Variants in ANGPT1 observed in about 807,000 individuals in gnomAD.
ANGPT1 encodes angiopoietin 1.
ANGPT1 carries 17 observed loss-of-function variants against 62.2 expected under a neutral mutation model. The ratio of observed to expected loss-of-function variants is 0.27; its 90% CI spans 0.19 to 0.41. The LOEUF is 0.41. ANGPT1 is among the 10% of genes least tolerant of loss of function. The pLI, the probability that ANGPT1 is intolerant of heterozygous loss-of-function variation, is 1.00. For missense variants in ANGPT1, 478 were observed against 594.9 expected (o/e 0.80, Z 2.04); for synonymous variants, 199 against 198.9 (o/e 1.00, Z 0.00).
At chr8:107,299,020 G>A (rs1314728308) in intron 5 of ANGPT1, among the ~76,000 whole-genome samples, 1 of 151,394 alleles carries the variant, frequency 6.6e-6, no homozygotes, top group Admixed American at 6.6e-5. Flanking sequence ...ATTTCAAGAT[G>A]GAAAAAACTG....
intron 1 of ANGPT1, among the ~76,000 whole-genome samples, chr8:107,407,776 G>A (rs1158517341): frequency 6.6e-6 from 1 of 152,076 alleles, no homozygotes; most frequent in Non-Finnish European, 1.5e-5. Context: ...GCACTTCTAC[G>A]AGAGGCGGTG....
chr8:107,391,423 T>C (rs1816833133), intron 1 of ANGPT1, among the ~76,000 whole-genome samples: 2 of 152,178 alleles, frequency 1.3e-5, no homozygotes, highest in Non-Finnish European at 1.5e-5. Context: ...TCCCAGCACT[T>C]CTGGGGGCTG....
At chr8:107,473,775 T>A (rs1210237410) in intron 1 of ANGPT1, among the ~76,000 whole-genome samples, 1 of 152,076 alleles carries the variant, frequency 6.6e-6, no homozygotes, top group Non-Finnish European at 1.5e-5. Context: ...CAAGTCACAA[T>A]GTAAGGCTCA....
intron 1 of ANGPT1, among the ~76,000 whole-genome samples, chr8:107,425,818 G>A (rs916766560): frequency 6.6e-6 from 1 of 152,130 alleles, no homozygotes; most frequent in African/African-American, 2.4e-5. Flanking sequence ...CCCAAGAGCT[G>A]GTTTCCATCA....
intron 4 of ANGPT1, among the ~76,000 whole-genome samples, chr8:107,319,769 A>G (rs915346715): frequency 1.3e-5 from 2 of 152,100 alleles, no homozygotes; most frequent in African/African-American, 4.8e-5. Context: ...AATCTTCATA[A>G]AAACCTTATG....
chr8:107,448,371 C>T (rs551207459), intron 1 of ANGPT1, among the ~76,000 whole-genome samples: 5 of 152,164 alleles, frequency 3.3e-5, no homozygotes, highest in South Asian at 2.1e-4. Context: ...CAAATTAATT[C>T]GATTAATTCA....
intron 5 of ANGPT1, among the ~76,000 whole-genome samples, chr8:107,302,299 G>T (rs1032995029): frequency 2.0e-5 from 3 of 151,834 alleles, no homozygotes; most frequent in Non-Finnish European, 4.4e-5. Flanking sequence ...ATGAGGGGAG[G>T]ACAGTTGTTT....
At chr8:107,333,709 C>T in intron 3 of ANGPT1, among the ~76,000 whole-genome samples, 1 of 151,932 alleles carries the variant, frequency 6.6e-6, no homozygotes. Flanking sequence ...CAGAGTGGAG[C>T]TCTTTTGAGA....
chr8:107,415,685 G>A (rs1337360883), intron 1 of ANGPT1, among the ~76,000 whole-genome samples: 1 of 152,174 alleles, frequency 6.6e-6, no homozygotes, highest in East Asian at 1.9e-4. Flanking sequence ...AGGTGATCCA[G>A]TAAAAGGTCA....
chr8:107,379,759 A>T, intron 1 of ANGPT1, among the ~76,000 whole-genome samples: 1 of 152,200 alleles, frequency 6.6e-6, no homozygotes, highest in Admixed American at 6.5e-5. Context: ...ATTTCAGAGC[A>T]GGTGCACTGA....
At chr8:107,325,716 G>C (rs1297309470) in intron 3 of ANGPT1, among the ~76,000 whole-genome samples, 1 of 152,114 alleles carries the variant, frequency 6.6e-6, no homozygotes, top group Non-Finnish European at 1.5e-5. Flanking sequence ...TGAAAATGCA[G>C]AAGCTAAAAG....
At chr8:107,302,497 GC>G in intron 5 of ANGPT1, among the ~76,000 whole-genome samples, 1 of 151,936 alleles carries the variant, frequency 6.6e-6, no homozygotes, top group African/African-American at 2.4e-5. Flanking sequence ...ATAACTATCT[GC>G]ATAATTGTCT....
At chr8:107,422,312 G>A (rs1264639071) in intron 1 of ANGPT1, among the ~76,000 whole-genome samples, 1 of 152,044 alleles carries the variant, frequency 6.6e-6, no homozygotes, top group African/African-American at 2.4e-5. Context: ...GAAAACCAGG[G>A]ATCAGAGAGT....
In ANGPT1 at chr8:107,250,422, ATTTTCT is replaced by A. The variant is rs537919914; in HGVS notation, c.*1427_*1432del. On this transcript the variant is annotated 3_prime_UTR_variant, in exon 9 of 9. Coordinates refer to ENST00000517746, the MANE Select transcript of ANGPT1 (RefSeq NM_001146.5). ...TTTCTTAGTCAGGTGACTATGATTA[ATTTTCT>A]TTTTGTATATATTTCCCTTACATAT... 99 of 151,998 alleles carry A rather than the reference ATTTTCT, an allele frequency of 6.5e-4. No individual in the cohort carries two copies. Among genetic ancestry groups the A allele is most frequent in the African/African-American group, 2.3e-3 (94 of 41,376 alleles). 9.4% of individuals were successfully genotyped at this position (151,998 alleles called of 1,614,324 possible).
At chr8:107,325,113 T>C (rs1374515438) in intron 3 of ANGPT1, among the ~76,000 whole-genome samples, 2 of 152,200 alleles carry the variant, frequency 1.3e-5, no homozygotes, top group Non-Finnish European at 1.5e-5. Flanking sequence ...AACTTTTTGT[T>C]GGAGAAGTTC....
chr8:107,256,487 T>C (rs1318194287), intron 8 of ANGPT1, among the ~76,000 whole-genome samples: 1 of 152,220 alleles, frequency 6.6e-6, no homozygotes, highest in Non-Finnish European at 1.5e-5. Flanking sequence ...ATTACTCATA[T>C]GCATTCCTTG....
chr8:107,317,521 A>G (rs1244368286), intron 4 of ANGPT1, among the ~76,000 whole-genome samples: 1 of 151,484 alleles, frequency 6.6e-6, no homozygotes, highest in African/African-American at 2.4e-5. Context: ...CTTTTTTTAC[A>G]TGCTGTTAGT....
chr8:107,367,410 G>A (rs1457952446), intron 1 of ANGPT1, among the ~76,000 whole-genome samples: 1 of 152,138 alleles, frequency 6.6e-6, no homozygotes. Flanking sequence ...TCTTGATGTT[G>A]ATGACTGCTG....
chr8:107,407,959 T>G lies in ANGPT1; in HGVS notation c.298-60862A>C, dbSNP rs112278973. On this transcript the variant is annotated intron_variant, in intron 1 of 8. Coordinates refer to ENST00000517746, the MANE Select transcript of ANGPT1 (RefSeq NM_001146.5). ...TTATTATGAAAACTCAGCAGTGGGCTGCAGCCTCTCTTTTATTTATTCACA... is the reference window on the plus strand; with the variant it reads ...TTATTATGAAAACTCAGCAGTGGGCGGCAGCCTCTCTTTTATTTATTCACA... 1.9e-3 allele frequency among the ~76,000 whole-genome samples: 282 copies of G among 152,376 alleles called. 1 individual carries two copies. The highest frequency in any genetic ancestry group is 6.2e-3 in the African/African-American group (260 of 41,602).
Sources: allele counts gnomAD v4.1 joint callset (sites outside exome capture counted in the v4.1 genomes callset), GRCh38; gene constraint gnomAD v4.1.1; transcripts MANE v1.5; gene names NCBI Gene and HGNC (gene_info 2026-07-23, HGNC 2026-07-21).